The following DDX1 variants were observed in gnomAD, a reference collection of about 807,000 sequenced individuals.
DDX1 encodes the protein ATP-dependent RNA helicase DDX1.
Under a neutral mutation model 108.7 loss-of-function variants are expected in DDX1, and 28 were observed. The observed-to-expected ratio is 0.26, with a 90% CI of 0.19 to 0.35. The LOEUF (loss-of-function observed/expected upper bound fraction) is 0.35. Ranked by LOEUF, DDX1 falls within the 10% of genes least tolerant of loss-of-function variation. The probability of loss-of-function intolerance (pLI) is 1.00; values close to 1 mark genes in which losing one functional copy is unlikely to be tolerated. For missense variants in DDX1, 710 were observed against 884.5 expected, an observed-to-expected ratio of 0.80 and a Z score of 2.50; for synonymous variants, 295 against 288.9, an observed-to-expected ratio of 1.02 and a Z score of -0.21.
intron 5 of DDX1, among the ~76,000 whole-genome samples, chr2:15,598,607 T>C (rs1665537928): frequency 1.3e-5 from 2 of 152,202 alleles, no homozygotes; most frequent in Non-Finnish European, 2.9e-5. Flanking sequence ...AAGATTTCTG[T>C]TTAACTTAAA....
chr2:15,619,759 T>G (rs1197613550), intron 16 of DDX1, among the ~76,000 whole-genome samples: 2 of 152,246 alleles, frequency 1.3e-5, no homozygotes, highest in African/African-American at 4.8e-5. Flanking sequence ...CTTAGTTACT[T>G]TGTCCTGTAG....
intron 14 of DDX1, among the ~76,000 whole-genome samples, chr2:15,616,061 T>TG (rs1665888310): frequency 2.4e-5 from 2 of 82,236 alleles, no homozygotes; most frequent in African/African-American, 1.5e-4. Flanking sequence ...CCCGGCTAAT[T>TG]TTGTGTGTGT....
intron 14 of DDX1, among the ~76,000 whole-genome samples, chr2:15,616,779 G>A (rs1458977228): frequency 3.9e-5 from 6 of 152,144 alleles, no homozygotes; most frequent in African/African-American, 1.4e-4. Context: ...GACACTCTGC[G>A]TCTAGTGCTT....
At chr2:15,609,063 G>T (rs1665714513) in intron 13 of DDX1, among the ~76,000 whole-genome samples, 1 of 152,200 alleles carries the variant, frequency 6.6e-6, no homozygotes, top group Non-Finnish European at 1.5e-5. Context: ...AAAGTGTGGG[G>T]ATAGTGTGGA....
intron 19 of DDX1, among the ~76,000 whole-genome samples, chr2:15,626,516 G>A (rs1158860486): frequency 6.6e-6 from 1 of 152,032 alleles, no homozygotes; most frequent in Non-Finnish European, 1.5e-5. Context: ...TTGGGGGGTT[G>A]GCTACCACTG....
At chr2:15,598,314 CTATT>C (rs1226725139) in intron 5 of DDX1, among the ~76,000 whole-genome samples, 2 of 152,178 alleles carry the variant, frequency 1.3e-5, no homozygotes, top group Non-Finnish European at 2.9e-5. Context: ...ATTGATGTAA[CTATT>C]TACACTATTG....
At chr2:15,613,124 A>C in intron 13 of DDX1, 100 bp from the exon 14 acceptor site, 1 of 809,704 alleles carries the variant, frequency 1.2e-6, no homozygotes, top group Non-Finnish European at 1.9e-6. Flanking sequence ...TTACTTTCTC[A>C]ACCTTAATTT....
At chr2:15,612,181 C>A (rs1455450912) in intron 13 of DDX1, among the ~76,000 whole-genome samples, 1 of 150,518 alleles carries the variant, frequency 6.6e-6, no homozygotes, top group African/African-American at 2.4e-5. Flanking sequence ...GCTGGCCTGG[C>A]GGTGGGTGAC....
intron 5 of DDX1, among the ~76,000 whole-genome samples, chr2:15,598,370 G>A (rs751168560): frequency 2.6e-5 from 4 of 152,104 alleles, no homozygotes; most frequent in African/African-American, 4.8e-5. Flanking sequence ...CAACTGTGCC[G>A]TCATTTATGA....
rs777884030 is a variant in DDX1, at chr2:15,599,692, C to G, written c.283C>G (p.Pro95Ala). Residue 95 changes from proline (P) to alanine (A), a missense_variant, in exon 6 of 26, where the codon CCA becomes GCA. Around this residue, in one of 3 missense-constraint regions of DDX1, gnomAD observed 661 missense variants for 810.2 expected, o/e 0.82. Coordinates refer to ENST00000233084, the MANE Select transcript of DDX1 (RefSeq NM_004939.3). The stretch of plus-strand genomic sequence containing the variant: ...AGTGCTGAACAAATGGCAGATGAAC[C>G]CATATGACAGAGGATCTGCTTTTGG... ...ASVLNKWQMN[P>A]YDRGSAFAIG... 6.2e-7 allele frequency: 1 copy of G among 1,605,246 alleles called. No homozygotes were observed. Among genetic ancestry groups the G allele is most frequent in the South Asian group, 1.1e-5 (1 of 89,682 alleles).
chr2:15,609,612 T>A (rs1454673548), intron 13 of DDX1, among the ~76,000 whole-genome samples: 3 of 152,370 alleles, frequency 2.0e-5, no homozygotes, highest in Non-Finnish European at 4.4e-5. Context: ...GCAGGGGTGG[T>A]TCTTTTATAT....
At position 15,597,300 on chromosome 2, in the gene DDX1, T is replaced by C. The variant is rs1032789309; in HGVS notation, c.163-75T>C. 1.1e-5 allele frequency: 10 copies of C among 937,242 alleles called. No homozygotes were observed. In the East Asian group the frequency reaches 2.6e-4, roughly 24 times the overall value. The allele number at this position is 937,242 out of a possible 1,614,324, so 58.1% of individuals were successfully genotyped here. A position where few individuals can be genotyped will look rare whatever the true frequency, so the allele number is the denominator to read the frequency against. On this transcript the variant is annotated intron_variant, in intron 4 of 25. Coordinates refer to ENST00000233084, the MANE Select transcript of DDX1 (RefSeq NM_004939.3). Reference sequence around the variant, plus strand: ...ATTAGTTGATGTGTGTGCATAACTTTTGTCATTTATATTGGTTATTAAATT... The same window carrying C: ...ATTAGTTGATGTGTGTGCATAACTTCTGTCATTTATATTGGTTATTAAATT...
intron 16 of DDX1, among the ~76,000 whole-genome samples, chr2:15,619,773 G>A (rs4668456): frequency 1 from 152,309 of 152,374 alleles, 76,122 homozygotes; most frequent in Non-Finnish European, 1. Flanking sequence ...CCTGTAGACC[G>A]TTTAGGGTGT....
intron 5 of DDX1, among the ~76,000 whole-genome samples, chr2:15,598,591 T>C (rs1311755687): frequency 1.3e-5 from 2 of 152,194 alleles, no homozygotes; most frequent in African/African-American, 2.4e-5. Flanking sequence ...AGAAATAGTT[T>C]AGATGAAGAT....
In DDX1 at chr2:15,607,320, C is replaced by A. The variant is rs762012674; in HGVS notation, c.956+7C>A. ...TTGATAATCCTAAATTAAGGTAAAT[C>A]TTCCTTTTGTGCTGAAATGCTTATT... On this transcript the variant is annotated splice_region_variant and intron_variant, in intron 13 of 25. Coordinates refer to ENST00000233084, the MANE Select transcript of DDX1 (RefSeq NM_004939.3). The A allele has an allele frequency of 7.4e-6, 12 of 1,611,506 alleles. No homozygotes were observed. The highest frequency in any genetic ancestry group is 1.0e-5 in the Non-Finnish European group (12 of 1,178,290).
chr2:15,614,873 A>T (rs1665867834), intron 14 of DDX1, among the ~76,000 whole-genome samples: 2 of 152,296 alleles, frequency 1.3e-5, no homozygotes, highest in South Asian at 4.1e-4. Flanking sequence ...GCTTCCTCAA[A>T]CCCATTTTTC....
intron 6 of DDX1, 151 bp downstream of exon 6, chr2:15,599,867 A>G (rs1157266880): frequency 1.9e-6 from 1 of 533,442 alleles, no homozygotes; most frequent in Non-Finnish European, 3.3e-6. Context: ...TGACATAGGA[A>G]TAGACAGTGG....
chr2:15,598,129 TC>T (rs1195050295), intron 5 of DDX1, among the ~76,000 whole-genome samples: 1 of 152,196 alleles, frequency 6.6e-6, no homozygotes, highest in Non-Finnish European at 1.5e-5. Context: ...TAATATTTTT[TC>T]CACATTTTAA....
At chr2:15,613,163 A>G (rs1665829317) in intron 13 of DDX1, 61 bp from the exon 14 acceptor site, 4 of 1,158,876 alleles carry the variant, frequency 3.5e-6, no homozygotes, top group Non-Finnish European at 4.9e-6. Flanking sequence ...TGCAGATCAA[A>G]CAATGTAAAG....
Sources: allele counts gnomAD v4.1 joint callset (sites outside exome capture counted in the v4.1 genomes callset), GRCh38; gene constraint gnomAD v4.1.1; regional missense constraint gnomAD v4.1.1; transcripts MANE v1.5; gene names NCBI Gene and HGNC (gene_info 2026-07-23, HGNC 2026-07-21).